CSMD1: variants seen among roughly 807,000 people sequenced by gnomAD.
The protein encoded by CSMD1 is CUB and sushi domain-containing protein 1.
Under a neutral mutation model 417.5 loss-of-function variants are expected in CSMD1, and 213 were observed. The observed-to-expected ratio is 0.51, with a 90% CI of 0.46 to 0.57. The LOEUF is 0.57. CSMD1 is among the 20% of genes least tolerant of loss of function. CSMD1 has a pLI of 0.00. For missense variants in CSMD1, 6,923 were observed against 4,529.7 expected (o/e 1.53, Z -15.17); for synonymous variants, 2,862 against 1,736.8 (o/e 1.65, Z -16.11).
chr8:4,703,826 G>A (rs1584968579), intron 1 of CSMD1, among the ~76,000 whole-genome samples: 2 of 152,070 alleles, frequency 1.3e-5, no homozygotes, highest in East Asian at 1.9e-4. Flanking sequence ...AGCATTTTTG[G>A]CACCAGGGAC....
intron 2 of CSMD1, among the ~76,000 whole-genome samples, chr8:4,430,005 G>C (rs111924955): frequency 5.3e-5 from 8 of 152,278 alleles, no homozygotes; most frequent in African/African-American, 1.9e-4. Context: ...GTCTCCTTAA[G>C]TGCCTTCCCA....
intron 48 of CSMD1, among the ~76,000 whole-genome samples, chr8:3,088,450 G>A (rs1403648604): frequency 6.6e-6 from 1 of 152,172 alleles, no homozygotes; most frequent in Non-Finnish European, 1.5e-5. Flanking sequence ...ACGCAGGTCT[G>A]AATGCTTAAC....
In CSMD1 at chr8:2,949,437, G is replaced by T; in HGVS notation, c.10315-51C>A. The T allele has an allele frequency of 4.6e-6, 4 of 873,906 alleles. No individual in the cohort carries two copies. The South Asian group carries it at 4.7e-5, about 10-fold the overall frequency. 54.1% of individuals were successfully genotyped at this position (873,906 alleles called of 1,614,324 possible). On this transcript the variant is annotated intron_variant, in intron 67 of 69. Coordinates refer to ENST00000635120, the MANE Select transcript of CSMD1 (RefSeq NM_033225.6). ...GAAATAAAAAGGTATACGAAGGGAT[G>T]AATAATATCCTCTTTTAATATATCT... is the stretch of plus-strand genomic sequence containing the variant.
intron 29 of CSMD1, 148 bp downstream of exon 29, chr8:3,219,107 G>T (rs1053071478): frequency 1.5e-5 from 9 of 598,506 alleles, no homozygotes; most frequent in Non-Finnish European, 2.5e-5. Flanking sequence ...CACTGGAGAG[G>T]GAGGAGACAT....
intron 23 of CSMD1, among the ~76,000 whole-genome samples, chr8:3,341,338 T>A (rs138017761): frequency 6.4e-4 from 97 of 152,310 alleles, no homozygotes; most frequent in African/African-American, 2.3e-3. Flanking sequence ...TATCCCTACA[T>A]TGATTCCAAG....
chr8:4,326,666 C>T (rs1168010659), intron 3 of CSMD1, among the ~76,000 whole-genome samples: 1 of 152,028 alleles, frequency 6.6e-6, no homozygotes, highest in Non-Finnish European at 1.5e-5. Context: ...TCCTCAAAGA[C>T]CAAAGGAAAA....
intron 3 of CSMD1, among the ~76,000 whole-genome samples, chr8:4,217,673 TAGG>T (rs1448775715): frequency 7.3e-5 from 11 of 151,546 alleles, no homozygotes; most frequent in African/African-American, 2.7e-4. Context: ...AAAAAAAAAT[TAGG>T]AGCTAATTTT....
At chr8:3,442,693 C>T (rs752887170) in intron 12 of CSMD1, among the ~76,000 whole-genome samples, 1 of 152,134 alleles carries the variant, frequency 6.6e-6, no homozygotes, top group East Asian at 1.9e-4. Flanking sequence ...GAACGTATCC[C>T]TGTTGTTGTT....
At chr8:4,314,855 C>G (rs992240767) in intron 3 of CSMD1, among the ~76,000 whole-genome samples, 8 of 152,298 alleles carry the variant, frequency 5.3e-5, no homozygotes, top group African/African-American at 1.9e-4. Context: ...CTGCGACAAG[C>G]TGGGTGTTAG....
chr8:4,515,622 C>T (rs747974511), intron 2 of CSMD1, among the ~76,000 whole-genome samples: 1 of 152,112 alleles, frequency 6.6e-6, no homozygotes, highest in Non-Finnish European at 1.5e-5. Flanking sequence ...TCAATAGCAA[C>T]AACAGAAACA....
At chr8:3,263,798 A>G (rs1801249158) in intron 26 of CSMD1, among the ~76,000 whole-genome samples, 1 of 152,216 alleles carries the variant, frequency 6.6e-6, no homozygotes, top group Non-Finnish European at 1.5e-5. Context: ...TCTGACACAA[A>G]GACACTAATA....
chr8:3,534,833 A>C (rs1798125921), intron 10 of CSMD1, among the ~76,000 whole-genome samples: 1 of 152,242 alleles, frequency 6.6e-6, no homozygotes, highest in Admixed American at 6.5e-5. Context: ...ACATTTTGGG[A>C]AACGTTGCTC....
chr8:3,689,790 GT>G (rs550778718), intron 7 of CSMD1, among the ~76,000 whole-genome samples: 153 of 152,278 alleles, frequency 1.0e-3, no homozygotes, highest in African/African-American at 3.5e-3. Flanking sequence ...TTTTCACAAA[GT>G]TACAGTCTAT....
Position 2,963,259 on chromosome 8 carries a change from A to G in CSMD1, c.9417T>C (p.Gly3139=). ...LSHSAILSCE[G]RGVWKGEIPQ... ...GGATCTCTCCTTTCCACACCCCGCG[A>G]CCTTCACAGGAGAGGATGGCGGAGT... The change falls in exon 60 of 70, where the codon GGT becomes GGC. Residue 3139 remains glycine (G), a synonymous_variant. Coordinates refer to ENST00000635120, the MANE Select transcript of CSMD1 (RefSeq NM_033225.6). 1 of 1,613,940 alleles carries G rather than the reference A, an allele frequency of 6.2e-7. No individual in the cohort carries two copies. The highest frequency in any genetic ancestry group is 8.5e-7 in the Non-Finnish European group (1 of 1,179,866).
At chr8:4,340,866 G>C (rs1022664108) in intron 3 of CSMD1, among the ~76,000 whole-genome samples, 1 of 152,106 alleles carries the variant, frequency 6.6e-6, no homozygotes, top group African/African-American at 2.4e-5. Flanking sequence ...TACTATTTTT[G>C]ATATTAACTA....
chr8:4,666,649 T>C (rs988221267), intron 1 of CSMD1, among the ~76,000 whole-genome samples: 4 of 152,210 alleles, frequency 2.6e-5, no homozygotes, highest in African/African-American at 7.2e-5. Flanking sequence ...AGGAAAATAG[T>C]AAATAATCCA....
At chr8:4,442,940 G>T (rs570738327) in intron 2 of CSMD1, among the ~76,000 whole-genome samples, 311 of 152,194 alleles carry the variant, frequency 2.0e-3, no homozygotes, top group African/African-American at 7.2e-3. Flanking sequence ...GTCCCTCAAC[G>T]TAATGTATCT....
At chr8:4,743,305 A>G (rs942607667) in intron 1 of CSMD1, among the ~76,000 whole-genome samples, 1 of 152,206 alleles carries the variant, frequency 6.6e-6, no homozygotes, top group Non-Finnish European at 1.5e-5. Flanking sequence ...TCAGGTCAGT[A>G]TATTTCCATT....
At chr8:3,300,835 T>C (rs1261864008) in intron 25 of CSMD1, among the ~76,000 whole-genome samples, 2 of 151,742 alleles carry the variant, frequency 1.3e-5, no homozygotes, top group Non-Finnish European at 2.9e-5. Flanking sequence ...GGCACATGCA[T>C]GTAATCCCAG....
Sources: allele counts gnomAD v4.1 joint callset (sites outside exome capture counted in the v4.1 genomes callset), GRCh38; gene constraint gnomAD v4.1.1; transcripts MANE v1.5; gene names NCBI Gene and HGNC (gene_info 2026-07-23, HGNC 2026-07-21).